Variants in DNAH11 observed in about 807,000 individuals in gnomAD.
DNAH11 encodes axonemal beta dynein heavy chain 11.
In DNAH11, 442 loss-of-function variants were observed where a neutral mutation model predicts 526.0. The ratio of observed to expected loss-of-function variants is 0.84; its 90% confidence interval spans 0.78 to 0.91. DNAH11 has a LOEUF of 0.91. DNAH11 is among the 40% of genes least tolerant of loss of function. The pLI is 0.00. For missense variants in DNAH11, 6,989 were observed against 5,448.7 expected, an observed-to-expected ratio of 1.28 and a Z score of -8.90; for synonymous variants, 2,461 against 1,935.9, an observed-to-expected ratio of 1.27 and a Z score of -7.12.
chr7:21,572,504 C>G (rs1053299937), intron 8 of DNAH11, among the ~76,000 whole-genome samples: 33 of 152,148 alleles, frequency 2.2e-4, no homozygotes, highest in African/African-American at 8.0e-4. Flanking sequence ...TCAGTTCCAG[C>G]ATGTTAGTAG....
At chr7:21,589,141 A>C (rs540676130) in intron 11 of DNAH11, 67 bp from the exon 12 acceptor site, 13 of 1,234,262 alleles carry the variant, frequency 1.1e-5, no homozygotes, top group African/African-American at 1.6e-5. Flanking sequence ...TTGTATTACT[A>C]TACAATTATT....
chr7:21,777,073 C>T (rs1008751755), intron 56 of DNAH11, among the ~76,000 whole-genome samples: 4 of 152,046 alleles, frequency 2.6e-5, no homozygotes, highest in Non-Finnish European at 5.9e-5. Flanking sequence ...TATAACCACA[C>T]CTACGTTACC....
chr7:21,631,778 C>T (rs1369681399), intron 25 of DNAH11, among the ~76,000 whole-genome samples: 1 of 152,150 alleles, frequency 6.6e-6, no homozygotes, highest in Non-Finnish European at 1.5e-5. Context: ...TGAGTATCTG[C>T]AGCTTTTCCA....
intron 46 of DNAH11, 121 bp downstream of exon 46, chr7:21,735,965 A>G (rs1049959425): frequency 4.2e-6 from 4 of 958,690 alleles, no homozygotes; most frequent in Admixed American, 2.8e-5. Context: ...TGGGCCTTAG[A>G]TGAATTTGTA....
chr7:21,590,662 T>C (rs949596703), intron 12 of DNAH11, among the ~76,000 whole-genome samples: 5 of 152,220 alleles, frequency 3.3e-5, no homozygotes, highest in Non-Finnish European at 1.5e-5. Flanking sequence ...GAGGATTCGT[T>C]CTACTTTCTG....
At chr7:21,569,801 T>C (rs1187310991) in intron 6 of DNAH11, among the ~76,000 whole-genome samples, 4 of 152,350 alleles carry the variant, frequency 2.6e-5, no homozygotes, top group Non-Finnish European at 4.4e-5. Flanking sequence ...ACAGTTGTCA[T>C]ATAATGAGGC....
rs771122751 is a variant in DNAH11 at position 21,718,048 on chromosome 7, T to C, written c.7134+123T>C. On this transcript the variant is annotated intron_variant, in intron 43 of 81. Transcript: ENST00000409508. Reference sequence around the variant, plus strand: ...AAGATTTCTGGAATTGTTAGATTGCTGCAACCCTCTTGCCCCCGCCCCCGT... The same window carrying C: ...AAGATTTCTGGAATTGTTAGATTGCCGCAACCCTCTTGCCCCCGCCCCCGT... 316 of 1,367,414 alleles carry C rather than the reference T, an allele frequency of 2.3e-4. 2 individuals are homozygous for C. The highest frequency in any genetic ancestry group is 2.0e-4 in the Middle Eastern group (1 of 4,972). The allele number at this position is 1,367,414 out of a possible 1,614,324, so 84.7% of individuals were successfully genotyped here. A position where few individuals can be genotyped will look rare whatever the true frequency, so the allele number is the denominator to read the frequency against.
intron 71 of DNAH11, 119 bp downstream of exon 71, chr7:21,866,782 C>G: frequency 9.0e-7 from 1 of 1,113,768 alleles, no homozygotes; most frequent in African/African-American, 1.6e-5. Flanking sequence ...AGTGATTCTG[C>G]TGAGATTTTG....
intron 30 of DNAH11, among the ~76,000 whole-genome samples, chr7:21,661,343 G>T (rs373790629): frequency 6.6e-6 from 1 of 151,882 alleles, no homozygotes; most frequent in Non-Finnish European, 1.5e-5. Context: ...TATTTTAGGA[G>T]TTTGTGCAGT....
chr7:21,763,079 C>T (rs928083872), intron 54 of DNAH11, among the ~76,000 whole-genome samples: 2 of 152,108 alleles, frequency 1.3e-5, no homozygotes, highest in African/African-American at 2.4e-5. Context: ...TGCGGTGGCT[C>T]ACGCCTGTAA....
chr7:21,583,804 A>G (rs1784395197), intron 9 of DNAH11, among the ~76,000 whole-genome samples: 1 of 152,370 alleles, frequency 6.6e-6, no homozygotes, highest in African/African-American at 2.4e-5. Flanking sequence ...AGAGACATTT[A>G]TGTGGCCAAG....
intron 75 of DNAH11, among the ~76,000 whole-genome samples, chr7:21,881,990 G>C (rs1324313202): frequency 6.6e-6 from 1 of 152,090 alleles, no homozygotes; most frequent in Non-Finnish European, 1.5e-5. Flanking sequence ...CTATTAAATA[G>C]TAATATTTTT....
chr7:21,866,620 C>T lies in DNAH11; in HGVS notation c.11647C>T (p.Leu3883Phe), dbSNP rs779303486. ...KKKSLIQKLI[L>F]LRAMRPDRMT... ...GAAAAGTTTAATACAGAAGCTGATTCTTCTGAGAGCAATGCGCCCTGACAG... is the reference window on the plus strand; with the variant it reads ...GAAAAGTTTAATACAGAAGCTGATTTTTCTGAGAGCAATGCGCCCTGACAG... The change falls in exon 71 of 82, where the codon CTT becomes TTT. Residue 3883 changes from leucine (L) to phenylalanine (F), a missense_variant. By Grantham distance (22) the Leu-to-Phe change is conservative. Transcript: ENST00000409508. The T allele has an allele frequency of 6.6e-5, 107 of 1,613,688 alleles. No individual in the cohort carries two copies. In the East Asian group the frequency reaches 2.3e-3, roughly 35 times the overall value.
chr7:21,611,240 C>T (rs1785511513), intron 20 of DNAH11, among the ~76,000 whole-genome samples: 1 of 152,076 alleles, frequency 6.6e-6, no homozygotes, highest in Non-Finnish European at 1.5e-5. Flanking sequence ...TTCCAGTGTC[C>T]CTGGACTTTG....
At chr7:21,799,861 A>G (rs1788890857) in intron 61 of DNAH11, among the ~76,000 whole-genome samples, 2 of 152,176 alleles carry the variant, frequency 1.3e-5, no homozygotes, top group African/African-American at 4.8e-5. Context: ...TTCTTGTTAA[A>G]GTTTCTTGGA....
Position 21,856,518 on chromosome 7 carries a change from G to A in DNAH11, c.11202+2063G>A, listed in dbSNP as rs553679564. Among the ~76,000 whole-genome samples the A allele has an allele frequency of 3.9e-5, 6 of 152,066 alleles. No homozygotes were observed. In the South Asian group the frequency reaches 1.2e-3, roughly 32 times the overall value. On this transcript the variant is annotated intron_variant, in intron 68 of 81. Transcript: ENST00000409508. ...TGCCCAAATTCCAAAACTACACTAA[G>A]GCATTACAATAAAAGAAAAATACTG...
chr7:21,832,345 C>T (rs1223949029), intron 65 of DNAH11, among the ~76,000 whole-genome samples: 1 of 152,142 alleles, frequency 6.6e-6, no homozygotes, highest in Non-Finnish European at 1.5e-5. Context: ...TTAGTGCTTC[C>T]TTCAGGAAAG....
chr7:21,824,996 C>G (rs1415647956), intron 65 of DNAH11, among the ~76,000 whole-genome samples: 1 of 152,056 alleles, frequency 6.6e-6, no homozygotes, highest in Non-Finnish European at 1.5e-5. Context: ...CTCAGCCTCC[C>G]GAGTAGCTGG....
At chr7:21,872,134 A>AAAAAAAAAAAC (rs1783522225) in intron 73 of DNAH11, among the ~76,000 whole-genome samples, 2 of 111,608 alleles carry the variant, frequency 1.8e-5, no homozygotes, top group African/African-American at 1.1e-4. Context: ...AAAAAAAAAA[A>AAAAAAAAAAAC]AAAAAAAAAA....
Sources: gnomAD v4.1 joint callset for allele counts (sites outside exome capture counted in the v4.1 genomes callset) on GRCh38, gnomAD v4.1.1 for gene constraint, MANE v1.5 for transcripts, NCBI Gene and HGNC (gene_info 2026-07-23, HGNC 2026-07-21) for gene names.